The following CHAF1A variants were observed in gnomAD, a reference collection of about 807,000 sequenced individuals.
CHAF1A encodes the protein CAF-1 subunit A.
In CHAF1A, 5 loss-of-function variants were observed where a neutral mutation model predicts 93.2. That is an observed-to-expected ratio of 0.05 (90% CI 0.03 to 0.11). The LOEUF is 0.11. Among genes scored for constraint, CHAF1A ranks in the 10% least tolerant of loss-of-function variants. CHAF1A has a pLI of 1.00. For missense variants in CHAF1A, 1,102 were observed against 1,259.9 expected (o/e 0.87, Z 1.90); for synonymous variants, 504 against 510.3 (o/e 0.99, Z 0.17).
chr19:4,420,278 T>C (rs113658061), intron 4 of CHAF1A, among the ~76,000 whole-genome samples: 6 of 152,082 alleles, frequency 3.9e-5, no homozygotes, highest in Admixed American at 6.6e-5. Flanking sequence ...AGTCTCGCTC[T>C]GTTGCCCATG....
intron 13 of CHAF1A, among the ~76,000 whole-genome samples, chr19:4,435,083 T>C (rs891554243): frequency 7.4e-6 from 1 of 135,416 alleles, no homozygotes; most frequent in African/African-American, 2.8e-5. Context: ...TTTTCTTTTT[T>C]TTCCTTTTTT....
chr19:4,434,849 A>G (rs993976684), intron 13 of CHAF1A, among the ~76,000 whole-genome samples: 6 of 152,114 alleles, frequency 3.9e-5, no homozygotes, highest in Non-Finnish European at 8.8e-5. Context: ...GGAGCCTGTA[A>G]GGGGAATGAA....
chr19:4,449,188 ACACC>A (rs1225213741), downstream of CHAF1A: 1 of 153,328 alleles, frequency 6.5e-6, no homozygotes, highest in Non-Finnish European at 1.4e-5. Flanking sequence ...ACACACGGCC[ACACC>A]CAGAGAGCCA....
Position 4,442,991 on chromosome 19 carries a change from C to G in CHAF1A, c.2837C>G (p.Ala946Gly). 6.2e-7 allele frequency: 1 copy of G among 1,601,146 alleles called. No homozygotes were observed. Among genetic ancestry groups the G allele is most frequent in the Non-Finnish European group, 8.5e-7 (1 of 1,174,630 alleles). ...GGGVGVDTGK[A>G]TLTASPLGAS ...GGTGTGGGGGTGGACACCGGCAAGGCCACCCTGACCGCGAGCCCACTGGGT... is the reference window on the plus strand; with the variant it reads ...GGTGTGGGGGTGGACACCGGCAAGGGCACCCTGACCGCGAGCCCACTGGGT... The change falls in exon 15 of 15, where the codon GCC (alanine) becomes GGC (glycine). Residue 946 changes from alanine to glycine, a missense_variant. Coordinates refer to ENST00000301280, the MANE Select transcript of CHAF1A (RefSeq NM_005483.3).
chr19:4,429,847 C>G, intron 10 of CHAF1A, 59 bp downstream of exon 10: 1 of 1,443,302 alleles, frequency 6.9e-7, no homozygotes, highest in South Asian at 1.2e-5. Flanking sequence ...GTCTCTGTCC[C>G]ACAGTGAGGG....
intron 2 of CHAF1A, among the ~76,000 whole-genome samples, chr19:4,408,514 C>T: frequency 9.0e-6 from 1 of 111,148 alleles, no homozygotes; most frequent in South Asian, 3.2e-4. Flanking sequence ...GTCTCTGTCG[C>T]CCAGGCTACA....
At chr19:4,406,033 C>A in intron 2 of CHAF1A, 71 bp downstream of exon 2, 1 of 1,226,082 alleles carries the variant, frequency 8.2e-7, no homozygotes, top group Non-Finnish European at 1.2e-6. Context: ...TTGGAGACCT[C>A]AGTGGAAGCC....
chr19:4,442,077 C>G (rs1974400707), intron 13 of CHAF1A, among the ~76,000 whole-genome samples, 168 bp from the exon 14 acceptor site: 2 of 152,164 alleles, frequency 1.3e-5, no homozygotes, highest in Non-Finnish European at 2.9e-5. Flanking sequence ...TTGAATAAAC[C>G]TCTCACATTT....
chr19:4,437,954 G>T (rs1974316252), intron 13 of CHAF1A, among the ~76,000 whole-genome samples: 1 of 152,064 alleles, frequency 6.6e-6, no homozygotes, highest in African/African-American at 2.4e-5. Flanking sequence ...TGTTAGCCAG[G>T]ATGGTCCCGA....
intron 13 of CHAF1A, among the ~76,000 whole-genome samples, chr19:4,434,051 A>G (rs1415674032): frequency 1.3e-5 from 2 of 152,048 alleles, no homozygotes; most frequent in Non-Finnish European, 1.5e-5. Context: ...ATTGGTTACA[A>G]TCAGTGCACC....
chr19:4,415,475 C>G (rs1274341446), intron 3 of CHAF1A, among the ~76,000 whole-genome samples: 4 of 152,192 alleles, frequency 2.6e-5, no homozygotes, highest in Non-Finnish European at 5.9e-5. Flanking sequence ...AGACCACATT[C>G]CGTATTATAA....
chr19:4,445,513 G>A (rs375328300), downstream of CHAF1A: 41 of 1,613,918 alleles, frequency 2.5e-5, no homozygotes, highest in African/African-American at 2.8e-4. Flanking sequence ...AGAGCTTCTC[G>A]ATGGCTGACA....
chr19:4,444,303 G>A (rs773363423), downstream of CHAF1A, among the ~76,000 whole-genome samples: 8 of 152,154 alleles, frequency 5.3e-5, no homozygotes, highest in Non-Finnish European at 8.8e-5. Flanking sequence ...GTCAGCAGTG[G>A]GGCCGGGGCA....
intron 2 of CHAF1A, among the ~76,000 whole-genome samples, chr19:4,408,548 A>G (rs764039640): frequency 8.5e-4 from 111 of 131,058 alleles, no homozygotes; most frequent in Non-Finnish European, 1.4e-3. Context: ...ATCTCAGCTC[A>G]CTTCAACCTC....
At chr19:4,430,352 A>G (rs1222070676) in intron 10 of CHAF1A, among the ~76,000 whole-genome samples, 197 bp from the exon 11 acceptor site, 1 of 151,884 alleles carries the variant, frequency 6.6e-6, no homozygotes, top group Non-Finnish European at 1.5e-5. Flanking sequence ...CAAGATTTGT[A>G]TTTTTAGTAG....
chr19:4,410,019 T>G (rs1313527830), intron 3 of CHAF1A, among the ~76,000 whole-genome samples: 3 of 152,334 alleles, frequency 2.0e-5, no homozygotes, highest in Non-Finnish European at 4.4e-5. Context: ...TTGCCTTCGT[T>G]GTTCACATCT....
chr19:4,439,337 A>G (rs1403465469), intron 13 of CHAF1A, among the ~76,000 whole-genome samples: 2 of 151,360 alleles, frequency 1.3e-5, no homozygotes, highest in Admixed American at 6.6e-5. Context: ...TCTTCATCCC[A>G]TGTAGTCGTT....
chr19:4,448,464 A>G (rs1974587155), downstream of CHAF1A: 4 of 1,480,416 alleles, frequency 2.7e-6, no homozygotes, highest in South Asian at 1.2e-5. Flanking sequence ...CCCGGGCCGC[A>G]CGGCCCTCCG....
intron 12 of CHAF1A, 99 bp from the exon 13 acceptor site, chr19:4,432,971 G>T: frequency 1.0e-6 from 1 of 999,264 alleles, no homozygotes; most frequent in Non-Finnish European, 1.4e-6. Context: ...CATGCCCCAA[G>T]CCTCGGTGGC....
Sources: gnomAD v4.1 joint callset for allele counts (sites outside exome capture counted in the v4.1 genomes callset) on GRCh38, gnomAD v4.1.1 for gene constraint, MANE v1.5 for transcripts, NCBI Gene and HGNC (gene_info 2026-07-23, HGNC 2026-07-21) for gene names.